The following SERPINI1 variants were observed in gnomAD, a reference collection of about 807,000 sequenced individuals.
The protein encoded by SERPINI1 is neuroserpin.
SERPINI1 carries 19 observed loss-of-function variants against 41.1 expected under a neutral mutation model. The observed-to-expected ratio is 0.46, with a 90% CI of 0.32 to 0.68. The LOEUF (loss-of-function observed/expected upper bound fraction) is 0.68, where lower values mean the gene tolerates loss of function less well. Ranked by LOEUF, SERPINI1 falls within the 30% of genes least tolerant of loss-of-function variation. The pLI, the probability that SERPINI1 is intolerant of heterozygous loss-of-function variation, is 0.03. For missense variants in SERPINI1, 460 were observed against 479.2 expected, an observed-to-expected ratio of 0.96 and a Z score of 0.37; for synonymous variants, 138 against 156.6, an observed-to-expected ratio of 0.88 and a Z score of 0.89.
intron 1 of SERPINI1, among the ~76,000 whole-genome samples, chr3:167,741,158 A>G (rs111446489): frequency 9.2e-5 from 14 of 152,346 alleles, no homozygotes; most frequent in African/African-American, 3.4e-4. Context: ...CTTCAGTTTC[A>G]GCCACTGCTT....
intron 1 of SERPINI1, among the ~76,000 whole-genome samples, chr3:167,772,272 C>T (rs1726782199): frequency 6.6e-6 from 1 of 152,122 alleles, no homozygotes. Flanking sequence ...AGGAACTTCT[C>T]CTTTCATTTT....
intron 1 of SERPINI1, among the ~76,000 whole-genome samples, chr3:167,756,687 G>A (rs1196662756): frequency 6.6e-6 from 1 of 150,902 alleles, no homozygotes; most frequent in Non-Finnish European, 1.5e-5. Flanking sequence ...CTTTTTTTTT[G>A]AAAAATATAT....
At chr3:167,811,915 A>G (rs1390735759) in intron 6 of SERPINI1, among the ~76,000 whole-genome samples, 2 of 152,182 alleles carry the variant, frequency 1.3e-5, no homozygotes, top group Admixed American at 1.3e-4. Context: ...ATTCAGTACT[A>G]TCATTATATT....
chr3:167,744,660 A>G (rs1469253801), intron 1 of SERPINI1, among the ~76,000 whole-genome samples: 2 of 122,032 alleles, frequency 1.6e-5, no homozygotes, highest in Non-Finnish European at 3.2e-5. Flanking sequence ...ATATATAAAT[A>G]TAAAAATATA....
intron 1 of SERPINI1, among the ~76,000 whole-genome samples, chr3:167,755,969 A>G (rs1726181031): frequency 6.6e-6 from 1 of 151,996 alleles, no homozygotes; most frequent in South Asian, 2.1e-4. Flanking sequence ...TCCGACATTT[A>G]TTCAGCACAC....
At chr3:167,815,668 G>A (rs1273545786) in intron 6 of SERPINI1, among the ~76,000 whole-genome samples, 1 of 152,142 alleles carries the variant, frequency 6.6e-6, no homozygotes, top group African/African-American at 2.4e-5. Context: ...GGGATTACAG[G>A]TGTGAGCCAC....
chr3:167,775,974 A>T lies in SERPINI1; in HGVS notation c.-18-13137A>T, dbSNP rs115224967. On this transcript the variant is annotated intron_variant, in intron 1 of 8. Coordinates refer to ENST00000446050, the MANE Select transcript of SERPINI1 (RefSeq NM_001122752.2). The stretch of plus-strand genomic sequence containing the variant: ...ACCCCGTCCCAAAAAAAAGCGAAAA[A>T]AAAATACTCTTTTCTCACCTACAAA... Among the ~76,000 whole-genome samples the T allele has an allele frequency of 8.6e-3, 1,310 of 152,302 alleles. 20 individuals are homozygous for T. Among genetic ancestry groups the T allele is most frequent in the African/African-American group, 0.03 (1,241 of 41,574 alleles).
chr3:167,815,489 G>A (rs541917435), intron 6 of SERPINI1, among the ~76,000 whole-genome samples: 21 of 151,536 alleles, frequency 1.4e-4, no homozygotes, highest in Middle Eastern at 3.4e-3. Flanking sequence ...TCCTGGGTTC[G>A]AGCAATTCTC....
intron 4 of SERPINI1, among the ~76,000 whole-genome samples, chr3:167,793,831 CATATGTATGTGTGT>C (rs1338247508): frequency 9.0e-6 from 1 of 110,502 alleles, no homozygotes; most frequent in Non-Finnish European, 1.8e-5. Flanking sequence ...TCATTTTGGC[CATATGTATGTGTGT>C]GTGTGTGTGT....
chr3:167,745,180 C>T (rs1432936466), intron 1 of SERPINI1, among the ~76,000 whole-genome samples: 1 of 151,594 alleles, frequency 6.6e-6, no homozygotes, highest in Non-Finnish European at 1.5e-5. Flanking sequence ...AAATGCTCAA[C>T]AAAATACTAG....
intron 5 of SERPINI1, among the ~76,000 whole-genome samples, chr3:167,797,445 C>T: frequency 6.6e-6 from 1 of 152,042 alleles, no homozygotes. Context: ...ATGGTATTGC[C>T]TAGGTTTTCT....
chr3:167,816,954 G>A lies in SERPINI1; in HGVS notation c.980-6032G>A, dbSNP rs555850805. Among the ~76,000 whole-genome samples, 9 of 152,142 alleles carry A rather than the reference G, an allele frequency of 5.9e-5. No homozygotes were observed. The South Asian group carries it at 1.7e-3, about 28-fold the overall frequency. ...ATGGGGCAAAGAATGCTAATGGAAG[G>A]AAGCAAAGGCAGCCTGATGGAGGTC... is the stretch of plus-strand genomic sequence containing the variant. On this transcript the variant is annotated intron_variant, in intron 6 of 8. Transcript: ENST00000446050.
intron 1 of SERPINI1, among the ~76,000 whole-genome samples, chr3:167,759,396 TGTG>T (rs1019080157): frequency 1.2e-5 from 1 of 85,428 alleles, no homozygotes; most frequent in South Asian, 2.6e-4. Context: ...ATAAAGAAAA[TGTG>T]GTATATATAT....
intron 1 of SERPINI1, among the ~76,000 whole-genome samples, chr3:167,768,729 G>A (rs1426773773): frequency 6.6e-6 from 1 of 152,138 alleles, no homozygotes; most frequent in Middle Eastern, 3.2e-3. Context: ...GCACATCCCT[G>A]AAGATCCTAC....
chr3:167,806,186 G>A lies in SERPINI1; in HGVS notation c.882-1058G>A, dbSNP rs550872055. Reference sequence around the variant, plus strand: ...TTTCCTTTGCAGGGACATGGATGAAGCTGGAAACGATCATCCTCAGCAAAC... The same window carrying A: ...TTTCCTTTGCAGGGACATGGATGAAACTGGAAACGATCATCCTCAGCAAAC... On this transcript the variant is annotated intron_variant, in intron 5 of 8. Coordinates refer to ENST00000446050, the MANE Select transcript of SERPINI1 (RefSeq NM_001122752.2). 1.2e-4 allele frequency among the ~76,000 whole-genome samples: 19 copies of A among 152,216 alleles called. No individual in the cohort carries two copies. In the South Asian group the frequency reaches 2.9e-3, roughly 23 times the overall value.
At chr3:167,795,081 G>T (rs1263829951) in intron 5 of SERPINI1, among the ~76,000 whole-genome samples, 1 of 152,028 alleles carries the variant, frequency 6.6e-6, no homozygotes, top group Non-Finnish European at 1.5e-5. Flanking sequence ...TTCATTCGGT[G>T]CTATTCATCG....
rs149811005 is a variant in SERPINI1, at chr3:167,756,043, C to T, written c.-19+20220C>T. ...CTAATTAACCTGGTCACTCTCCCCA[C>T]CCCCTGACCCCTGCCCCCAACCCCA... On this transcript the variant is annotated intron_variant, in intron 1 of 8. Transcript: ENST00000446050. Among the ~76,000 whole-genome samples, 10 of 151,688 alleles carry T rather than the reference C, an allele frequency of 6.6e-5. No homozygotes were observed. In the East Asian group the frequency reaches 1.9e-3, roughly 29 times the overall value.
chr3:167,743,144 T>A lies in SERPINI1; in HGVS notation c.-19+7321T>A, dbSNP rs1037699412. Among the ~76,000 whole-genome samples, 25 of 151,890 alleles carry A rather than the reference T, an allele frequency of 1.6e-4. 1 individual carries two copies. The highest frequency in any genetic ancestry group is 6.0e-4 in the African/African-American group (25 of 41,348). ...GGGTATAATACAAATACAAGAAAAA[T>A]TGAGTATTAGGATTTCTTTTATGAA... On this transcript the variant is annotated intron_variant, in intron 1 of 8. Transcript: ENST00000446050.
intron 1 of SERPINI1, among the ~76,000 whole-genome samples, chr3:167,773,057 C>A (rs779960964): frequency 1.3e-5 from 2 of 150,284 alleles, no homozygotes; most frequent in Non-Finnish European, 3.0e-5. Context: ...AGAAGCAAAT[C>A]AGAAGTTAAA....
Sources: allele counts gnomAD v4.1 joint callset (sites outside exome capture counted in the v4.1 genomes callset), GRCh38; gene constraint gnomAD v4.1.1; transcripts MANE v1.5; gene names NCBI Gene and HGNC (gene_info 2026-07-23, HGNC 2026-07-21).